The following ALS2 variants were observed in gnomAD, a reference collection of about 807,000 sequenced individuals.
ALS2 encodes alsin.
In ALS2, 117 loss-of-function variants were observed where a neutral mutation model predicts 203.4. The ratio of observed to expected loss-of-function variants is 0.58; its 90% CI spans 0.50 to 0.67. The LOEUF (loss-of-function observed/expected upper bound fraction) is 0.67, where lower values mean the gene tolerates loss of function less well. Among genes scored for constraint, ALS2 ranks in the 30% least tolerant of loss-of-function variants. The pLI is 0.00. For missense variants in ALS2, 1,715 were observed against 1,989.4 expected (o/e 0.86, Z 2.62); for synonymous variants, 718 against 725.9 (o/e 0.99, Z 0.17).
intron 5 of ALS2, among the ~76,000 whole-genome samples, chr2:201,756,900 CA>C (rs1559078794): frequency 6.9e-6 from 1 of 144,224 alleles, no homozygotes; most frequent in East Asian, 2.3e-4. Context: ...TCTTGAGAAG[CA>C]TTAAGTCCAG....
intron 24 of ALS2, chr2:201,716,585 C>G (rs1690410528): frequency 2.7e-5 from 4 of 150,014 alleles, no homozygotes; most frequent in Non-Finnish European, 4.4e-5. Context: ...CGTGGTGGCC[C>G]GTACCTGTAA....
intron 13 of ALS2, among the ~76,000 whole-genome samples, chr2:201,729,990 T>C (rs1203946164): frequency 6.6e-6 from 1 of 152,210 alleles, no homozygotes; most frequent in Non-Finnish European, 1.5e-5. Context: ...GCTGGACTTT[T>C]ATATCAGCTT....
intron 32 of ALS2, 88 bp from the exon 33 acceptor site, chr2:201,704,306 AG>A: frequency 6.7e-7 from 1 of 1,492,684 alleles, no homozygotes; most frequent in South Asian, 1.1e-5. Context: ...AAGAAAGAAC[AG>A]CTCAATAAAA....
intron 4 of ALS2, 35 bp downstream of exon 4, chr2:201,760,846 A>C: frequency 3.1e-6 from 5 of 1,596,832 alleles, no homozygotes; most frequent in Non-Finnish European, 4.3e-6. Flanking sequence ...GTTCAACTCT[A>C]GACACACTTT....
At chr2:201,733,004 C>T (rs549735439) in intron 13 of ALS2, among the ~76,000 whole-genome samples, 1 of 152,306 alleles carries the variant, frequency 6.6e-6, no homozygotes, top group Admixed American at 6.5e-5. Context: ...GAATGAGTAG[C>T]ATCTGATAGA....
chr2:201,750,789 T>C (rs538439739), intron 7 of ALS2, among the ~76,000 whole-genome samples: 5 of 152,212 alleles, frequency 3.3e-5, no homozygotes, highest in South Asian at 2.1e-4. Flanking sequence ...TTAATAACTA[T>C]CTAGAACTCT....
chr2:201,713,888 A>G (rs1690198852), intron 25 of ALS2, among the ~76,000 whole-genome samples: 1 of 152,308 alleles, frequency 6.6e-6, no homozygotes, highest in South Asian at 2.1e-4. Context: ...AATGTCTTGG[A>G]TATTTTGAGC....
At chr2:201,719,665 CT>C (rs1452492280) in intron 23 of ALS2, among the ~76,000 whole-genome samples, 10 of 152,194 alleles carry the variant, frequency 6.6e-5, no homozygotes, top group African/African-American at 2.4e-4. Context: ...GCCCTTCCAT[CT>C]TTTGCTATGT....
chr2:201,766,199 T>C (rs1182676613), intron 3 of ALS2, among the ~76,000 whole-genome samples: 2 of 152,198 alleles, frequency 1.3e-5, no homozygotes, highest in Non-Finnish European at 2.9e-5. Context: ...AGGTAACCTT[T>C]TAAAAAGTTA....
chr2:201,712,172 G>A (rs1417755028), intron 25 of ALS2, among the ~76,000 whole-genome samples: 2 of 152,118 alleles, frequency 1.3e-5, no homozygotes, highest in African/African-American at 4.8e-5. Context: ...TTTACTTTAA[G>A]TATCAATTTT....
At chr2:201,760,701 A>C in intron 4 of ALS2, 180 bp downstream of exon 4, 1 of 1,419,404 alleles carries the variant, frequency 7.0e-7, no homozygotes, top group Non-Finnish European at 9.2e-7. Flanking sequence ...AAACATAAAG[A>C]GTGATTTTGA....
rs150868775 is a variant in ALS2 at position 201,748,986 on chromosome 2, C to T, written c.1815+726G>A. 3.9e-5 allele frequency among the ~76,000 whole-genome samples: 6 copies of T among 152,266 alleles called. 1 individual carries two copies. In the East Asian group the frequency reaches 7.7e-4, roughly 20 times the overall value. On this transcript the variant is annotated intron_variant, in intron 8 of 33. Transcript: ENST00000264276. ...GGAACGGGGAGATATCAGAATCCAA[C>T]TACATATCTATGACCTCCATATTCC...
chr2:201,715,580 T>C (rs1377294136), intron 25 of ALS2, 92 bp downstream of exon 25: 2 of 1,472,666 alleles, frequency 1.4e-6, no homozygotes, highest in African/African-American at 2.8e-5. Flanking sequence ...CATTAACTTT[T>C]AAATTAAATG....
rs570054446 is a variant in ALS2, at chr2:201,753,635, C to A, written c.1641-393G>T. Among the ~76,000 whole-genome samples, 17 of 152,248 alleles carry A rather than the reference C, an allele frequency of 1.1e-4. No homozygotes were observed. The East Asian group carries it at 3.3e-3, about 29-fold the overall frequency. On this transcript the variant is annotated intron_variant, in intron 6 of 33. Coordinates refer to ENST00000264276, the MANE Select transcript of ALS2 (RefSeq NM_020919.4). ...TAACTCACTACTTTAGATAATCATT[C>A]CAATTACTCACTTAAAAACTTCCCA...
rs1296291246 is a variant in ALS2, at chr2:201,767,320, A to G, written c.84T>C (p.Phe28=). The G allele has an allele frequency of 6.2e-7, 1 of 1,614,032 alleles. No homozygotes were observed. Among genetic ancestry groups the G allele is most frequent in the Admixed American group, 1.7e-5 (1 of 60,016 alleles). ...CTGGCAATCTCTCTGGTGTTATGGG[A>G]AAGGATCCTGCCTGCCAGATATGGA... ...GLVHIWQAGS[F]PITPERLPGW... Residue 28 remains phenylalanine (F), a synonymous_variant, in exon 3 of 34, where the codon TTT becomes TTC. Transcript: ENST00000264276.
chr2:201,704,455 TG>T lies in ALS2; in HGVS notation c.4836del (p.Arg1613GlyfsTer5). On this transcript the variant is annotated frameshift_variant and splice_region_variant, in exon 32 of 34. Coordinates refer to ENST00000264276, the MANE Select transcript of ALS2 (RefSeq NM_020919.4). LOFTEE classifies it high-confidence loss of function. ...FPVFLYVVLR[A>X]RIRNLGSEVH... ...ATAACAAAGTCATAAAACAGTTACCTGGCCCGTAGCACCACATATAAGAAAA... is the reference window on the plus strand; with the variant it reads ...ATAACAAAGTCATAAAACAGTTACCTGCCCGTAGCACCACATATAAGAAAA... The T allele has an allele frequency of 1.2e-6, 2 of 1,614,080 alleles. No individual in the cohort carries two copies. Among genetic ancestry groups the T allele is most frequent in the Non-Finnish European group, 1.7e-6 (2 of 1,179,982 alleles).
At chr2:201,755,341 G>A (rs1449156302) in intron 5 of ALS2, among the ~76,000 whole-genome samples, 1 of 151,978 alleles carries the variant, frequency 6.6e-6, no homozygotes, top group Non-Finnish European at 1.5e-5. Context: ...CGGCTCGCAG[G>A]AACCTCTGCT....
intron 5 of ALS2, among the ~76,000 whole-genome samples, chr2:201,757,046 T>C (rs936905781): frequency 1.3e-5 from 2 of 152,182 alleles, no homozygotes; most frequent in Non-Finnish European, 2.9e-5. Context: ...CTCTTTCAAG[T>C]CAAGTACAGT....
rs1461565822 is a variant in ALS2 at position 201,707,995 on chromosome 2, A to C, written c.4281-4T>G. The C allele has an allele frequency of 6.2e-7, 1 of 1,610,334 alleles. No homozygotes were observed. The highest frequency in any genetic ancestry group is 8.5e-7 in the Non-Finnish European group (1 of 1,177,618). On this transcript the variant is annotated splice_polypyrimidine_tract_variant and splice_region_variant and intron_variant, in intron 27 of 33. Transcript: ENST00000264276. ...AGGCAGCTCAGGAAATAAGAACCTA[A>C]GGAAGAATAAAAAATATAATTATAC...
Sources: allele counts gnomAD v4.1 joint callset (sites outside exome capture counted in the v4.1 genomes callset), GRCh38; gene constraint gnomAD v4.1.1; transcripts MANE v1.5; gene names NCBI Gene and HGNC (gene_info 2026-07-23, HGNC 2026-07-21).